Variants in IGDCC3 observed in about 807,000 individuals in gnomAD.
IGDCC3 encodes the protein immunoglobulin superfamily DCC subclass member 3, also known as putative neuronal cell adhesion molecule.
In IGDCC3, 47 loss-of-function variants were observed where a neutral mutation model predicts 72.0. The ratio of observed to expected loss-of-function variants is 0.65; its 90% CI spans 0.52 to 0.83. The LOEUF (loss-of-function observed/expected upper bound fraction) is 0.83. Ranked by LOEUF, IGDCC3 falls within the 40% of genes least tolerant of loss-of-function variation. The pLI, the probability that IGDCC3 is intolerant of heterozygous loss-of-function variation, is 0.00. For missense variants in IGDCC3, 1,038 were observed against 1,091.3 expected, an observed-to-expected ratio of 0.95 and a Z score of 0.69; for synonymous variants, 477 against 472.8, an observed-to-expected ratio of 1.01 and a Z score of -0.11.
chr15:65,375,479 A>G, intron 1 of IGDCC3, 77 bp from the exon 2 acceptor site: 2 of 1,256,102 alleles, frequency 1.6e-6, no homozygotes, highest in Non-Finnish European at 2.2e-6. Flanking sequence ...CTCCACCCAC[A>G]TGGTTCCAAG....
intron 2 of IGDCC3, among the ~76,000 whole-genome samples, chr15:65,336,531 C>T (rs1310218779): frequency 6.6e-6 from 1 of 151,986 alleles, no homozygotes; most frequent in African/African-American, 2.4e-5. Context: ...GTCCCTCCTT[C>T]TCCTACTCCT....
At chr15:65,362,979 C>A (rs997663748) in intron 2 of IGDCC3, among the ~76,000 whole-genome samples, 1 of 151,508 alleles carries the variant, frequency 6.6e-6, no homozygotes, top group African/African-American at 2.4e-5. Flanking sequence ...CTCAGCCTCC[C>A]GAGTAGCTGG....
chr15:65,370,618 G>GTATATATATATATATATATATATATATA (rs779669712), intron 2 of IGDCC3, among the ~76,000 whole-genome samples: 4 of 56,872 alleles, frequency 7.0e-5, no homozygotes, highest in Non-Finnish European at 1.1e-4. Flanking sequence ...ATATATGTAT[G>GTATATATATATATATATATATATATATA]TGTATATATA....
Position 65,335,908 on chromosome 15 carries a change from C to G in IGDCC3, c.458G>C (p.Gly153Ala). ...VHPQATVGEE[G>A]GVARFQCQIH... Reference sequence around the variant, plus strand: ...TTGGCACTGGAAGCGGGCCACACCACCCTCCTCACCCACGGTGGCCTGGGG... The same window carrying G: ...TTGGCACTGGAAGCGGGCCACACCAGCCTCCTCACCCACGGTGGCCTGGGG... The change falls in exon 3 of 14, where the codon GGT (glycine) becomes GCT (alanine). Residue 153 changes from glycine (G) to alanine (A), a missense_variant. By Grantham distance (60) the Gly-to-Ala change is moderately conservative. Coordinates refer to ENST00000327987, the MANE Select transcript of IGDCC3 (RefSeq NM_004884.4). The G allele has an allele frequency of 6.2e-7, 1 of 1,614,152 alleles. No homozygotes were observed. Among genetic ancestry groups the G allele is most frequent in the Non-Finnish European group, 8.5e-7 (1 of 1,180,002 alleles).
chr15:65,377,278 T>C lies in IGDCC3; in HGVS notation c.103+408A>G, dbSNP rs2091364586. Among the ~76,000 whole-genome samples, 1 of 152,130 alleles carries C rather than the reference T, an allele frequency of 6.6e-6. No individual in the cohort carries two copies. Among genetic ancestry groups the C allele is most frequent in the Admixed American group, 6.5e-5 (1 of 15,272 alleles). On this transcript the variant is annotated intron_variant, in intron 1 of 13. Transcript: ENST00000327987. This position sits in a 1 kb window ranked among gnomAD's most constrained non-coding sequence, Gnocchi z 4.9. Reference sequence around the variant, plus strand: ...CTCCGCTCCCCAGGCTGCTGTCCCCTGTCTTGGCTGCCTCGGGCTATGTCC... The same window carrying C: ...CTCCGCTCCCCAGGCTGCTGTCCCCCGTCTTGGCTGCCTCGGGCTATGTCC...
rs766472764 is a variant in IGDCC3, at chr15:65,356,848, C to CTTTTTTTTTTTT, written c.409+18237_409+18248dup. On this transcript the variant is annotated intron_variant, in intron 2 of 13. Coordinates refer to ENST00000327987, the MANE Select transcript of IGDCC3 (RefSeq NM_004884.4). Reference sequence around the variant, plus strand: ...GATGTGAGATTTGAGAATGGACCTGCTTTTTTTTTTTTTTTTTTTGAGATG... The same window carrying CTTTTTTTTTTTT: ...GATGTGAGATTTGAGAATGGACCTGCTTTTTTTTTTTTTTTTTTTTTTTTTTTTTTTGAGATG... Among the ~76,000 whole-genome samples, 662 of 70,856 alleles carry CTTTTTTTTTTTT rather than the reference C, an allele frequency of 9.3e-3. 175 individuals are homozygous for CTTTTTTTTTTTT. Among genetic ancestry groups the CTTTTTTTTTTTT allele is most frequent in the African/African-American group, 0.04 (596 of 15,004 alleles). The allele number at this position is 70,856 out of a possible 152,430, so 46.5% of individuals were successfully genotyped here.
intron 1 of IGDCC3, among the ~76,000 whole-genome samples, chr15:65,375,656 G>T (rs546475724): frequency 1.5e-4 from 23 of 152,278 alleles, no homozygotes; most frequent in Admixed American, 2.0e-4. Flanking sequence ...TCTTTCACAG[G>T]TAAGAAAACT....
Position 65,330,296 on chromosome 15 carries a change from T to C in IGDCC3, c.1855A>G (p.Thr619Ala). ...FVSLRGASER[T>A]ALSPPCDCRK... ...GCACTCCATCCCCAGCCCTCACCTG[T>C]CCTCTCAGATGCTCCCCTCAAAGAC... Residue 619 changes from threonine to alanine, a missense_variant, in exon 11 of 14, where the codon ACA (threonine) becomes GCA (alanine). Physicochemically the swap from Thr to Ala is moderately conservative, Grantham distance 58. Transcript: ENST00000327987. The C allele has an allele frequency of 6.2e-7, 1 of 1,611,264 alleles. No homozygotes were observed. The highest frequency in any genetic ancestry group is 8.5e-7 in the Non-Finnish European group (1 of 1,177,778).
rs899446361 is a variant in IGDCC3, at chr15:65,330,923, C to T, written c.1561+127G>A. On this transcript the variant is annotated intron_variant, in intron 9 of 13. Transcript: ENST00000327987. Reference sequence around the variant, plus strand: ...AAAGAAGCCCTTTCCTCCAAGTAGACTCAGCCCTGACAGCCTCAGGGCCGG... The same window carrying T: ...AAAGAAGCCCTTTCCTCCAAGTAGATTCAGCCCTGACAGCCTCAGGGCCGG... 1.1e-5 allele frequency: 13 copies of T among 1,201,452 alleles called. No homozygotes were observed. The East Asian group carries it at 1.5e-4, about 13-fold the overall frequency. The allele number at this position is 1,201,452 out of a possible 1,614,324, so 74.4% of individuals were successfully genotyped here. A position where few individuals can be genotyped will look rare whatever the true frequency, so the allele number is the denominator to read the frequency against.
At chr15:65,351,876 T>C (rs2091176611) in intron 2 of IGDCC3, among the ~76,000 whole-genome samples, 1 of 152,240 alleles carries the variant, frequency 6.6e-6, no homozygotes, top group Non-Finnish European at 1.5e-5. Flanking sequence ...TTATCAATTG[T>C]GGCTTTAACA....
At position 65,335,431 on chromosome 15, in the gene IGDCC3, G is replaced by A. The variant is rs1230533353; in HGVS notation, c.555-10C>T. On this transcript the variant is annotated splice_polypyrimidine_tract_variant and intron_variant, in intron 3 of 13. Coordinates refer to ENST00000327987, the MANE Select transcript of IGDCC3 (RefSeq NM_004884.4). ...GGGCAGCAATGTGTACCTGTTGAGG[G>A]GAGGGACATAGTTGGCCACCAGCAC... 2 of 1,600,616 alleles carry A rather than the reference G, an allele frequency of 1.2e-6. No homozygotes were observed. Among genetic ancestry groups the A allele is most frequent in the Non-Finnish European group, 1.7e-6 (2 of 1,174,414 alleles).
At position 65,334,760 on chromosome 15, in the gene IGDCC3, T is replaced by A. The variant is rs1266420875; in HGVS notation, c.791A>T (p.Asn264Ile). The change falls in exon 5 of 14, where the codon AAC becomes ATC. Residue 264 changes from asparagine to isoleucine, a missense_variant. Coordinates refer to ENST00000327987, the MANE Select transcript of IGDCC3 (RefSeq NM_004884.4). ...TAVLECVATG[N>I]PRPIVSWSRL... ...GCTCCAGGACACAATGGGGCGCGGG[T>A]TGCCCGTGGCGACACACTCAAGCAC... 1.3e-6 allele frequency: 2 copies of A among 1,597,306 alleles called. No individual in the cohort carries two copies. The highest frequency in any genetic ancestry group is 2.3e-5 in the South Asian group (2 of 88,434).
In IGDCC3 at chr15:65,374,856, A is replaced by T. The variant is rs536492960; in HGVS notation, c.409+241T>A. Among the ~76,000 whole-genome samples, 5 of 152,142 alleles carry T rather than the reference A, an allele frequency of 3.3e-5. 1 individual carries two copies. The East Asian group carries it at 9.7e-4, about 29-fold the overall frequency. On this transcript the variant is annotated intron_variant, in intron 2 of 13. Transcript: ENST00000327987. ...AGAACTGGGTAAAGCTTTCTCCCCG[A>T]CTCCCCTATGGGTGTTTGGCTACAT...
chr15:65,372,738 C>G (rs2091334551), intron 2 of IGDCC3, among the ~76,000 whole-genome samples: 1 of 152,186 alleles, frequency 6.6e-6, no homozygotes, highest in Admixed American at 6.5e-5. Context: ...GAAAGGCACC[C>G]TCCTGTGTCA....
Position 65,331,645 on chromosome 15 carries a change from G to C in IGDCC3, c.1163C>G (p.Ser388Cys). The C allele has an allele frequency of 6.2e-7, 1 of 1,606,724 alleles. No individual in the cohort carries two copies. Among genetic ancestry groups the C allele is most frequent in the Non-Finnish European group, 8.5e-7 (1 of 1,175,186 alleles). ...LKNNNSTLTI[S>C]GIGPEDEAIY... is the part of the protein sequence containing the mutation. ...GGCTTCATCCTCAGGACCGATTCCAGAAATGGTCAGTGTGCTGCAGGGGAG... is the reference window on the plus strand; with the variant it reads ...GGCTTCATCCTCAGGACCGATTCCACAAATGGTCAGTGTGCTGCAGGGGAG... Residue 388 changes from serine (S) to cysteine (C), a missense_variant, in exon 8 of 14, where the codon TCT (serine) becomes TGT (cysteine). By Grantham distance (112) the Ser-to-Cys change is moderately radical (BLOSUM62 -1). Coordinates refer to ENST00000327987, the MANE Select transcript of IGDCC3 (RefSeq NM_004884.4).
intron 2 of IGDCC3, among the ~76,000 whole-genome samples, chr15:65,359,352 G>A (rs1349815048): frequency 6.6e-6 from 1 of 152,172 alleles, no homozygotes; most frequent in Non-Finnish European, 1.5e-5. Flanking sequence ...CCTTCCATGG[G>A]GGATGCACAG....
chr15:65,332,235 C>T, intron 6 of IGDCC3, 129 bp from the exon 7 acceptor site: 1 of 1,092,156 alleles, frequency 9.2e-7, no homozygotes, highest in Non-Finnish European at 1.3e-6. Flanking sequence ...ACATCTGCCC[C>T]CTGGAGACTC....
intron 2 of IGDCC3, among the ~76,000 whole-genome samples, chr15:65,363,651 C>T (rs182592621): frequency 1.3e-5 from 2 of 151,464 alleles, no homozygotes; most frequent in East Asian, 3.9e-4. Context: ...TGCTGCCCAC[C>T]CCCGCCACCC....
intron 5 of IGDCC3, among the ~76,000 whole-genome samples, chr15:65,334,124 T>A (rs958830822): frequency 2.0e-5 from 3 of 151,878 alleles, no homozygotes; most frequent in Non-Finnish European, 4.4e-5. Flanking sequence ...GCTGCTACAA[T>A]GTGGCACAGT....
Sources: gnomAD v4.1 joint callset for allele counts (sites outside exome capture counted in the v4.1 genomes callset) on GRCh38, gnomAD v4.1.1 for gene constraint, Gnocchi (gnomAD v3.1) non-coding constraint, MANE v1.5 for transcripts, NCBI Gene and HGNC (gene_info 2026-07-23, HGNC 2026-07-21) for gene names.